Variants in MARCHF1 observed in about 807,000 individuals in gnomAD.
MARCHF1 encodes membrane associated ring-CH-type finger 1.
Under a neutral mutation model 54.2 loss-of-function variants are expected in MARCHF1, and 40 were observed. The ratio of observed to expected loss-of-function variants is 0.74; its 90% CI spans 0.57 to 0.96. The LOEUF (loss-of-function observed/expected upper bound fraction) is 0.96, where lower values mean the gene tolerates loss of function less well. Among genes scored for constraint, MARCHF1 ranks in the 40% least tolerant of loss-of-function variants. The probability of loss-of-function intolerance (pLI) is 0.00; values close to 1 mark genes in which losing one functional copy is unlikely to be tolerated. For synonymous variants in MARCHF1, 236 were observed against 236.3 expected (o/e 1.00, Z 0.01); for missense variants, 586 against 656.5 (o/e 0.89, Z 1.17).
At chr4:163,929,827 G>A (rs1297628681) in intron 3 of MARCHF1, among the ~76,000 whole-genome samples, 1 of 148,462 alleles carries the variant, frequency 6.7e-6, no homozygotes, top group African/African-American at 2.5e-5. Flanking sequence ...ATGGTTTGTT[G>A]TTTCTAGCAT....
At chr4:163,849,362 A>G (rs1749579362) in intron 4 of MARCHF1, among the ~76,000 whole-genome samples, 1 of 38,800 alleles carries the variant, frequency 2.6e-5, no homozygotes, top group Admixed American at 1.8e-4. Flanking sequence ...ATCAGCCACC[A>G]TCATTATTAT....
At chr4:164,360,562 T>C (rs566292585) in intron 1 of MARCHF1, among the ~76,000 whole-genome samples, 2 of 152,296 alleles carry the variant, frequency 1.3e-5, no homozygotes, top group South Asian at 4.1e-4. Flanking sequence ...TCAGTGTACA[T>C]AGGCATCACC....
At chr4:163,802,526 C>T (rs578098806) in intron 4 of MARCHF1, among the ~76,000 whole-genome samples, 26 of 152,230 alleles carry the variant, frequency 1.7e-4, no homozygotes, top group African/African-American at 5.8e-4. Context: ...CCTTTTTAAT[C>T]CTCAAGCAGC....
intron 5 of MARCHF1, among the ~76,000 whole-genome samples, chr4:163,623,611 C>CTTTCAATGGAAAGTCAGT (rs1741763286): frequency 6.6e-6 from 1 of 152,166 alleles, no homozygotes; most frequent in Non-Finnish European, 1.5e-5. Context: ...ATCTCATTGA[C>CTTTCAATGGAAAGTCAGT]TTTCAGGTGG....
intron 1 of MARCHF1, among the ~76,000 whole-genome samples, chr4:164,220,536 T>A (rs143467926): frequency 0.016 from 2,376 of 145,660 alleles, 77 homozygotes; most frequent in East Asian, 0.11. Flanking sequence ...ATGATATATA[T>A]CTATATATGT....
chr4:163,877,292 C>G (rs1356189348), intron 3 of MARCHF1, among the ~76,000 whole-genome samples: 2 of 152,100 alleles, frequency 1.3e-5, no homozygotes, highest in Admixed American at 6.6e-5. Flanking sequence ...CACCATTTAT[C>G]TTTTTCTTTG....
chr4:164,043,848 C>G (rs981115901), intron 2 of MARCHF1, among the ~76,000 whole-genome samples: 5 of 152,166 alleles, frequency 3.3e-5, no homozygotes, highest in African/African-American at 1.2e-4. Flanking sequence ...ATACTTTGCT[C>G]CTTAGAAATT....
chr4:164,290,022 AACACACACACAT>A (rs1184174007), intron 1 of MARCHF1, among the ~76,000 whole-genome samples: 7 of 151,614 alleles, frequency 4.6e-5, no homozygotes, highest in Admixed American at 1.3e-4. Context: ...TAAATCCTCC[AACACACACACAT>A]ACACACACAC....
chr4:164,244,773 G>C (rs1471235476), intron 1 of MARCHF1, among the ~76,000 whole-genome samples: 1 of 151,952 alleles, frequency 6.6e-6, no homozygotes, highest in Non-Finnish European at 1.5e-5. Context: ...TGATAAAGGG[G>C]ATATCACCAC....
intron 2 of MARCHF1, among the ~76,000 whole-genome samples, chr4:164,022,160 C>T (rs1753680412): frequency 1.3e-5 from 2 of 152,060 alleles, no homozygotes; most frequent in South Asian, 4.2e-4. Context: ...TATCTCTTGC[C>T]AAGAGCACTG....
At chr4:164,003,999 G>T (rs2110923674) in intron 2 of MARCHF1, among the ~76,000 whole-genome samples, 1 of 152,184 alleles carries the variant, frequency 6.6e-6, no homozygotes. Context: ...CATGGATGGA[G>T]CTGGAAGCCA....
chr4:163,542,582 G>C (rs773934878), intron 9 of MARCHF1, among the ~76,000 whole-genome samples: 17 of 152,184 alleles, frequency 1.1e-4, no homozygotes, highest in Admixed American at 2.0e-4. Flanking sequence ...TGCAGTAAAT[G>C]TGGAGAAGCC....
intron 5 of MARCHF1, among the ~76,000 whole-genome samples, chr4:163,616,153 T>C (rs1382333144): frequency 6.6e-6 from 1 of 152,138 alleles, no homozygotes; most frequent in African/African-American, 2.4e-5. Context: ...GACATTGATC[T>C]TTTAGAAAAG....
At chr4:164,074,438 T>C (rs923719913) in intron 2 of MARCHF1, among the ~76,000 whole-genome samples, 11 of 152,224 alleles carry the variant, frequency 7.2e-5, no homozygotes, top group Non-Finnish European at 1.2e-4. Context: ...TCCTTGAGAA[T>C]GGGAATAAAT....
Position 163,916,348 on chromosome 4 carries a change from T to C in MARCHF1, c.-38-62179A>G, listed in dbSNP as rs149220798. On this transcript the variant is annotated intron_variant, in intron 3 of 9. Transcript: ENST00000514618. ...GCCTAGATATAAGAGTGATGAAAAC[T>C]GGCACCAAAATTGGGTGTTCTCCCA... is the stretch of plus-strand genomic sequence containing the variant. 1.4e-4 allele frequency among the ~76,000 whole-genome samples: 21 copies of C among 152,240 alleles called. 1 individual carries two copies. Among genetic ancestry groups the C allele is most frequent in the Admixed American group, 1.4e-3 (21 of 15,266 alleles).
intron 3 of MARCHF1, among the ~76,000 whole-genome samples, chr4:163,952,263 C>G (rs1257037028): frequency 6.6e-6 from 1 of 152,048 alleles, no homozygotes; most frequent in Admixed American, 6.5e-5. Flanking sequence ...TTTCTTTAGC[C>G]TATATAACGA....
intron 3 of MARCHF1, among the ~76,000 whole-genome samples, chr4:163,901,396 A>G (rs1348370658): frequency 6.6e-6 from 1 of 152,132 alleles, no homozygotes; most frequent in Non-Finnish European, 1.5e-5. Flanking sequence ...CATTCAGCCT[A>G]TTTTATGAAT....
intron 3 of MARCHF1, among the ~76,000 whole-genome samples, chr4:163,953,884 G>C (rs959686474): frequency 3.9e-5 from 6 of 152,128 alleles, no homozygotes; most frequent in African/African-American, 1.4e-4. Context: ...GAGTGGATAA[G>C]GGTGAATGAG....
At chr4:163,950,580 T>G (rs1271584647) in intron 3 of MARCHF1, among the ~76,000 whole-genome samples, 1 of 152,126 alleles carries the variant, frequency 6.6e-6, no homozygotes, top group Non-Finnish European at 1.5e-5. Flanking sequence ...CCCTCCCACT[T>G]GGAAGGGGGC....
Sources: allele counts gnomAD v4.1 joint callset (sites outside exome capture counted in the v4.1 genomes callset), GRCh38; gene constraint gnomAD v4.1.1; transcripts MANE v1.5; gene names NCBI Gene and HGNC (gene_info 2026-07-23, HGNC 2026-07-21).